Variants in TLCD2 observed in about 807,000 individuals in gnomAD.
TLCD2 encodes the protein TLC domain-containing protein 2.
In TLCD2, 12 loss-of-function variants were observed where a neutral mutation model predicts 14.0. The observed-to-expected ratio is 0.86, with a 90% CI of 0.55 to 1.39. TLCD2 has a LOEUF of 1.39. Among genes scored for constraint, TLCD2 ranks in the 40% most tolerant of loss-of-function variants. The probability of loss-of-function intolerance (pLI) is 0.00; values close to 1 mark genes in which losing one functional copy is unlikely to be tolerated. For missense variants in TLCD2, 360 were observed against 346.8 expected, an observed-to-expected ratio of 1.04 and a Z score of -0.30; for synonymous variants, 166 against 156.5, an observed-to-expected ratio of 1.06 and a Z score of -0.45.
chr17:1,708,852 A>C (rs1914126790), intron 3 of TLCD2, among the ~76,000 whole-genome samples: 1 of 152,052 alleles, frequency 6.6e-6, no homozygotes, highest in South Asian at 2.1e-4. Context: ...TCCATATTCC[A>C]CATTTCTGTG....
rs1395586873 is a variant in TLCD2, at chr17:1,710,108, G to A, written c.135C>T (p.Ser45=). 1 of 1,533,566 alleles carries A rather than the reference G, an allele frequency of 6.5e-7. No homozygotes were observed. The highest frequency in any genetic ancestry group is 8.7e-7 in the Non-Finnish European group (1 of 1,146,378). 95.0% of individuals were successfully genotyped at this position (1,533,566 alleles called of 1,614,324 possible). ...DRWQWWNLCV[S]LAHSLLSGTG... is the part of the protein sequence containing the mutation. ...TCCCCGAGAGCAGGCTGTGCGCCAG[G>A]GAGACGCAGAGGTTCCACCACTGCC... Residue 45 remains serine (S), a synonymous_variant, in exon 1 of 4, where the codon TCC becomes TCT. Coordinates refer to ENST00000330676, the MANE Select transcript of TLCD2 (RefSeq NM_001164407.2). This position sits in a 1 kb window ranked among gnomAD's most constrained non-coding sequence, Gnocchi z 6.1.
rs1257270550 is a variant in TLCD2 at position 1,706,468 on chromosome 17, T to C, written c.*1302A>G. 1.3e-5 allele frequency: 2 copies of C among 152,134 alleles called. No homozygotes were observed. Among genetic ancestry groups the C allele is most frequent in the Non-Finnish European group, 2.9e-5 (2 of 68,060 alleles). The allele number at this position is 152,134 out of a possible 1,614,324, so 9.4% of individuals were successfully genotyped here. The stretch of plus-strand genomic sequence containing the variant: ...ATTCCTCTAAGAATCCGAATTGTCT[T>C]TGAAAAGTCAAAAGGGGTCGGGTAC... On this transcript the variant is annotated 3_prime_UTR_variant, in exon 4 of 4. Coordinates refer to ENST00000330676, the MANE Select transcript of TLCD2 (RefSeq NM_001164407.2).
At position 1,704,999 on chromosome 17, in the gene TLCD2, G is replaced by A. The variant is rs1913988242; in HGVS notation, c.*2771C>T. On this transcript the variant is annotated 3_prime_UTR_variant, in exon 4 of 4. Coordinates refer to ENST00000330676, the MANE Select transcript of TLCD2 (RefSeq NM_001164407.2). ...TTACAGGCGTGACCCACCATGCCCA[G>A]CCTGGATATTTAAATTGTTCTGTGC... 6.6e-6 allele frequency: 1 copy of A among 152,056 alleles called. No individual in the cohort carries two copies. Among genetic ancestry groups the A allele is most frequent in the Admixed American group, 6.6e-5 (1 of 15,186 alleles). 9.4% of individuals were successfully genotyped at this position (152,056 alleles called of 1,614,324 possible). A position where few individuals can be genotyped will look rare whatever the true frequency, so the allele number is the denominator to read the frequency against.
intron 3 of TLCD2, among the ~76,000 whole-genome samples, chr17:1,708,914 G>A (rs1405630792): frequency 1.3e-5 from 2 of 152,042 alleles, no homozygotes; most frequent in Non-Finnish European, 2.9e-5. Context: ...CACATGGTGG[G>A]TGCCCTGGCA....
At position 1,707,729 on chromosome 17, in the gene TLCD2, C is replaced by A. The variant is rs964107187; in HGVS notation, c.*41G>T. 3.5e-6 allele frequency: 5 copies of A among 1,440,312 alleles called. No homozygotes were observed. Among genetic ancestry groups the A allele is most frequent in the Admixed American group, 2.5e-5 (1 of 40,412 alleles). 89.2% of individuals were successfully genotyped at this position (1,440,312 alleles called of 1,614,324 possible). A position where few individuals can be genotyped will look rare whatever the true frequency, so the allele number is the denominator to read the frequency against. On this transcript the variant is annotated 3_prime_UTR_variant, in exon 4 of 4. Coordinates refer to ENST00000330676, the MANE Select transcript of TLCD2 (RefSeq NM_001164407.2). ...GCATGGAAGACCCTCATCTCCTTGTCCTGGCCCCACCTCCCCCAGCGAGGG... is the reference window on the plus strand; with the variant it reads ...GCATGGAAGACCCTCATCTCCTTGTACTGGCCCCACCTCCCCCAGCGAGGG...
In TLCD2 at chr17:1,708,093, G is replaced by A; in HGVS notation, c.472C>T (p.Pro158Ser). 2.0e-6 allele frequency: 3 copies of A among 1,537,150 alleles called. No individual in the cohort carries two copies. Among genetic ancestry groups the A allele is most frequent in the South Asian group, 1.2e-5 (1 of 84,064 alleles). ...CTGGTCACGCTGAAGGCCAGGGATG[G>A]GGCCTGGCGAGAAAGCAACAGCAGC... is the stretch of plus-strand genomic sequence containing the variant. The part of the protein sequence containing the change: ...RKLLLLSRQA[P>S]SLAFSVTSWA... The change falls in exon 4 of 4, where the codon CCA (proline) becomes TCA (serine). Residue 158 changes from proline to serine, a missense_variant. Transcript: ENST00000330676.
rs376374908 is a variant in TLCD2 at position 1,710,039 on chromosome 17, C to T, written c.176+28G>A. ...AGCCTCCCACCCCTCGCCCTCGCCC[C>T]GTGCGCCTCGAGCCCCCAAGCCCGC... is the stretch of plus-strand genomic sequence containing the variant. On this transcript the variant is annotated intron_variant, in intron 1 of 3. Transcript: ENST00000330676. This position sits in a 1 kb window ranked among gnomAD's most constrained non-coding sequence, Gnocchi z 6.1. 6 of 1,530,742 alleles carry T rather than the reference C, an allele frequency of 3.9e-6. No homozygotes were observed. The highest frequency in any genetic ancestry group is 1.7e-6 in the Non-Finnish European group (2 of 1,145,058). The allele number at this position is 1,530,742 out of a possible 1,614,324, so 94.8% of individuals were successfully genotyped here.
rs549826797 is a variant in TLCD2 at position 1,710,201 on chromosome 17, G to A, written c.42C>T (p.Leu14=). Residue 14 remains leucine, a synonymous_variant, in exon 1 of 4, where the codon CTC becomes CTT. Coordinates refer to ENST00000330676, the MANE Select transcript of TLCD2 (RefSeq NM_001164407.2). This position sits in a 1 kb window ranked among gnomAD's most constrained non-coding sequence, Gnocchi z 6.1. Reference sequence around the variant, plus strand: ...ACCCCCAGTGCAGCCCCCGGAACGCGAGGAAGGAGGCGCCGGCCACCAGGA... The same window carrying A: ...ACCCCCAGTGCAGCCCCCGGAACGCAAGGAAGGAGGCGCCGGCCACCAGGA... ...TGLLVAGASF[L]AFRGLHWGLR... is the part of the protein sequence containing the mutation. 147 of 1,527,528 alleles carry A rather than the reference G, an allele frequency of 9.6e-5. No homozygotes were observed. In the Middle Eastern group the frequency reaches 3.3e-3, roughly 34 times the overall value. 94.6% of individuals were successfully genotyped at this position (1,527,528 alleles called of 1,614,324 possible).
chr17:1,709,936 G>A (rs1328773398), intron 1 of TLCD2, 50 bp from the exon 2 acceptor site: 4 of 1,514,822 alleles, frequency 2.6e-6, no homozygotes, highest in South Asian at 1.2e-5. Context: ...AGCCTCTCGA[G>A]GCCCCGGCCG....
In TLCD2 at chr17:1,705,797, G is replaced by A. The variant is rs1315271341; in HGVS notation, c.*1973C>T. The A allele has an allele frequency of 6.6e-6, 1 of 152,100 alleles. No homozygotes were observed. The highest frequency in any genetic ancestry group is 1.5e-5 in the Non-Finnish European group (1 of 68,034). The allele number at this position is 152,100 out of a possible 1,614,324, so 9.4% of individuals were successfully genotyped here. ...ATGTAGCTTTTCTGTGGATGGCTAA[G>A]GGTTGCCTCTCTCAGTCCATTGTTT... On this transcript the variant is annotated 3_prime_UTR_variant, in exon 4 of 4. Coordinates refer to ENST00000330676, the MANE Select transcript of TLCD2 (RefSeq NM_001164407.2).
chr17:1,708,479 C>CTT lies in TLCD2; in HGVS notation c.343-259_343-258dup, dbSNP rs70956738. On this transcript the variant is annotated intron_variant, in intron 3 of 3. Transcript: ENST00000330676. ...AACCTCCCATTCCTGGGCTTGCTTG[C>CTT]TTTTTTTTTTTTTTTTTTTTTTTTT... is the stretch of plus-strand genomic sequence containing the variant. Among the ~76,000 whole-genome samples the CTT allele has an allele frequency of 7.1e-4, 34 of 47,872 alleles. 1 individual carries two copies. The highest frequency in any genetic ancestry group is 1.4e-3 in the East Asian group (2 of 1,450). The allele number at this position is 47,872 out of a possible 152,430, so 31.4% of individuals were successfully genotyped here.
chr17:1,708,206 C>G lies in TLCD2; in HGVS notation c.359G>C (p.Ser120Thr). 1 of 1,526,606 alleles carries G rather than the reference C, an allele frequency of 6.6e-7. No homozygotes were observed. The highest frequency in any genetic ancestry group is 8.8e-7 in the Non-Finnish European group (1 of 1,140,686). 94.6% of individuals were successfully genotyped at this position (1,526,606 alleles called of 1,614,324 possible). The change falls in exon 4 of 4, where the codon AGC (serine) becomes ACC (threonine). Residue 120 changes from serine to threonine, a missense_variant. By Grantham distance (58) the Ser-to-Thr change is moderately conservative. Coordinates refer to ENST00000330676, the MANE Select transcript of TLCD2 (RefSeq NM_001164407.2). ...GTAGTGGCCAGACAGAACAGCGGTG[C>G]TGAGGCAGCTCACCACCTGGGAGCC... ...CHHLVVVSCLSTAVLSGHYVG... is the reference protein window; with the variant it reads ...CHHLVVVSCLTTAVLSGHYVG...
In TLCD2 at chr17:1,703,264, G is replaced by A. The variant is rs138147220; in HGVS notation, c.*4506C>T. On this transcript the variant is annotated 3_prime_UTR_variant, in exon 4 of 4. Coordinates refer to ENST00000330676, the MANE Select transcript of TLCD2 (RefSeq NM_001164407.2). Reference sequence around the variant, plus strand: ...CGTGTGTGGTCCCAAATTCTTCCAAGCGTCCACTACATCCTGCCCCACCTG... The same window carrying A: ...CGTGTGTGGTCCCAAATTCTTCCAAACGTCCACTACATCCTGCCCCACCTG... The A allele has an allele frequency of 6.6e-6, 1 of 152,154 alleles. No individual in the cohort carries two copies. Among genetic ancestry groups the A allele is most frequent in the Admixed American group, 6.6e-5 (1 of 15,262 alleles). The allele number at this position is 152,154 out of a possible 1,614,324, so 9.4% of individuals were successfully genotyped here. A position where few individuals can be genotyped will look rare whatever the true frequency, so the allele number is the denominator to read the frequency against.
rs941758975 is a variant in TLCD2, at chr17:1,703,984, G to A, written c.*3786C>T. The A allele has an allele frequency of 6.6e-6, 1 of 151,150 alleles. No homozygotes were observed. Among genetic ancestry groups the A allele is most frequent in the South Asian group, 2.1e-4 (1 of 4,792 alleles). The allele number at this position is 151,150 out of a possible 1,614,324, so 9.4% of individuals were successfully genotyped here. ...TCACGCATATAATCCCAGTAGTTTG[G>A]GAGCCCAAGGTGGGCGGATCACCTG... On this transcript the variant is annotated 3_prime_UTR_variant, in exon 4 of 4. Coordinates refer to ENST00000330676, the MANE Select transcript of TLCD2 (RefSeq NM_001164407.2).
At chr17:1,708,980 G>A (rs1645754519) in intron 3 of TLCD2, among the ~76,000 whole-genome samples, 1 of 152,278 alleles carries the variant, frequency 6.6e-6, no homozygotes, top group South Asian at 2.1e-4. Flanking sequence ...CTGGCCTGGT[G>A]GGTATCTGGA....
rs1428651969 is a variant in TLCD2, at chr17:1,710,106, A to G, written c.137T>C (p.Leu46Pro). 1 of 1,533,248 alleles carries G rather than the reference A, an allele frequency of 6.5e-7. No homozygotes were observed. Among genetic ancestry groups the G allele is most frequent in the African/African-American group, 1.4e-5 (1 of 72,854 alleles). The allele number at this position is 1,533,248 out of a possible 1,614,324, so 95.0% of individuals were successfully genotyped here. A position where few individuals can be genotyped will look rare whatever the true frequency, so the allele number is the denominator to read the frequency against. ...RWQWWNLCVSLAHSLLSGTGA... is the reference protein window; with the variant it reads ...RWQWWNLCVSPAHSLLSGTGA... Reference sequence around the variant, plus strand: ...GGTCCCCGAGAGCAGGCTGTGCGCCAGGGAGACGCAGAGGTTCCACCACTG... The same window carrying G: ...GGTCCCCGAGAGCAGGCTGTGCGCCGGGGAGACGCAGAGGTTCCACCACTG... Residue 46 changes from leucine (L) to proline (P), a missense_variant, in exon 1 of 4, where the codon CTG becomes CCG. Physicochemically the swap from Leu to Pro is moderately conservative, Grantham distance 98. Coordinates refer to ENST00000330676, the MANE Select transcript of TLCD2 (RefSeq NM_001164407.2). The surrounding 1 kb of genome is among the most constrained non-coding windows in gnomAD (Gnocchi z 6.1).
chr17:1,709,389 CAAAAAAA>C (rs781399159), intron 3 of TLCD2, 103 bp downstream of exon 3: 548 of 298,158 alleles, frequency 1.8e-3, no homozygotes, highest in East Asian at 4.7e-3. Flanking sequence ...GACTCCGTCT[CAAAAAAA>C]AAAAAAAAAA....
At position 1,705,934 on chromosome 17, in the gene TLCD2, A is replaced by C. The variant is rs1342695734; in HGVS notation, c.*1836T>G. ...GCAGCAGAAGCAGCAGGGAGGAAGA[A>C]GACTTTATGAATGTATCTCAGAAAA... is the stretch of plus-strand genomic sequence containing the variant. On this transcript the variant is annotated 3_prime_UTR_variant, in exon 4 of 4. Coordinates refer to ENST00000330676, the MANE Select transcript of TLCD2 (RefSeq NM_001164407.2). 1.3e-5 allele frequency: 2 copies of C among 151,810 alleles called. No individual in the cohort carries two copies. Among genetic ancestry groups the C allele is most frequent in the Non-Finnish European group, 2.9e-5 (2 of 67,990 alleles). The allele number at this position is 151,810 out of a possible 1,614,324, so 9.4% of individuals were successfully genotyped here.
At position 1,706,002 on chromosome 17, in the gene TLCD2, C is replaced by T. The variant is rs1210445683; in HGVS notation, c.*1768G>A. ...TTTTTTTTTCTTTAGAGACAAGAGT[C>T]TCACTCTGTTTGCCCAGGCTGGAGT... On this transcript the variant is annotated 3_prime_UTR_variant, in exon 4 of 4. Coordinates refer to ENST00000330676, the MANE Select transcript of TLCD2 (RefSeq NM_001164407.2). 3.0e-4 allele frequency: 1 copy of T among 3,292 alleles called. No individual in the cohort carries two copies. Among genetic ancestry groups the T allele is most frequent in the Non-Finnish European group, 4.8e-4 (1 of 2,076 alleles). 0.2% of individuals were successfully genotyped at this position (3,292 alleles called of 1,614,324 possible). A position where few individuals can be genotyped will look rare whatever the true frequency, so the allele number is the denominator to read the frequency against.
Sources: allele counts gnomAD v4.1 joint callset (sites outside exome capture counted in the v4.1 genomes callset), GRCh38; gene constraint gnomAD v4.1.1; non-coding constraint Gnocchi (gnomAD v3.1); transcripts MANE v1.5; gene names NCBI Gene and HGNC (gene_info 2026-07-23, HGNC 2026-07-21).